SLC26A9: variants seen among roughly 807,000 people sequenced by gnomAD.
SLC26A9 encodes solute carrier family 26 member 9.
Under a neutral mutation model 87.1 loss-of-function variants are expected in SLC26A9, and 46 were observed. The observed-to-expected ratio is 0.53, with a 90% confidence interval of 0.42 to 0.67. The LOEUF is 0.67. SLC26A9 is among the 30% of genes least tolerant of loss of function. The pLI is 0.00. For missense variants in SLC26A9, 927 were observed against 1,018.3 expected (o/e 0.91, Z 1.22); for synonymous variants, 437 against 409.1 (o/e 1.07, Z -0.82).
intron 14 of SLC26A9, 29 bp downstream of exon 14, chr1:205,923,514 AG>A: frequency 1.9e-6 from 3 of 1,614,064 alleles, no homozygotes; most frequent in African/African-American, 2.7e-5. Context: ...GCAGAGCAAA[AG>A]AAGGAGGTCA....
At chr1:205,927,385 G>T (rs745583951) in intron 10 of SLC26A9, 97 bp from the exon 11 acceptor site, 13 of 1,553,386 alleles carry the variant, frequency 8.4e-6, no homozygotes, top group South Asian at 1.1e-5. Context: ...AGACTAAGAC[G>T]GGAAGAAGGG....
chr1:205,928,740 G>GAGTT, intron 8 of SLC26A9, 87 bp downstream of exon 8: 1 of 1,255,838 alleles, frequency 8.0e-7, no homozygotes, highest in South Asian at 1.2e-5. Context: ...CACTTTCATA[G>GAGTT]AGTTCATCTT....
Position 205,933,126 on chromosome 1 carries a change from C to T in SLC26A9, c.126-42G>A, listed in dbSNP as rs1170755628. 2.5e-6 allele frequency: 4 copies of T among 1,612,654 alleles called. 1 individual carries two copies. The Admixed American group carries it at 6.7e-5, about 27-fold the overall frequency. ...AAAATTTCCAGTCGGCTCTGCATGG[C>T]TTGGACATTCCGTGTTGGAGAGGGA... On this transcript the variant is annotated intron_variant, in intron 2 of 20. Transcript: ENST00000367135.
chr1:205,927,593 G>T lies in SLC26A9; in HGVS notation c.1114C>A (p.Leu372Ile). 6.2e-7 allele frequency: 1 copy of T among 1,613,824 alleles called. No individual in the cohort carries two copies. The highest frequency in any genetic ancestry group is 1.1e-5 in the South Asian group (1 of 90,990). The change falls in exon 10 of 21, where the codon CTC becomes ATC. Residue 372 changes from leucine (L) to isoleucine (I), a missense_variant. Physicochemically the swap from Leu to Ile is conservative, Grantham distance 5. Coordinates refer to ENST00000367135, the MANE Select transcript of SLC26A9 (RefSeq NM_052934.4). The stretch of plus-strand genomic sequence containing the variant: ...GAGCCAAAGAAGTTGCTGCAGCCGA[G>T]AGCGATCATCTCCTGCAGGGAGGGG... ...DVDSNQEMIA[L>I]GCSNFFGSFF...
chr1:205,930,264 G>A (rs994701996), intron 5 of SLC26A9: 1 of 422,636 alleles, frequency 2.4e-6, no homozygotes, highest in Non-Finnish European at 4.1e-6. Context: ...TAGAGCATGG[G>A]CCTTTCTGTC....
intron 1 of SLC26A9, among the ~76,000 whole-genome samples, chr1:205,936,845 C>T (rs531933055): frequency 1.3e-5 from 2 of 152,248 alleles, no homozygotes; most frequent in South Asian, 4.2e-4. Flanking sequence ...CCCCCAACTT[C>T]CCAGAGGAGA....
At chr1:205,934,950 C>T (rs1231024283) in intron 2 of SLC26A9, among the ~76,000 whole-genome samples, 2 of 152,338 alleles carry the variant, frequency 1.3e-5, no homozygotes, top group Admixed American at 1.3e-4. Context: ...TGACCTCAAT[C>T]CAGGTAACTG....
At chr1:205,924,531 CA>C (rs1277751455) in intron 12 of SLC26A9, 42 bp from the exon 13 acceptor site, 1 of 1,582,912 alleles carries the variant, frequency 6.3e-7, no homozygotes, top group African/African-American at 1.3e-5. Flanking sequence ...GGGGAAAAAA[CA>C]ACCTCTTTCA....
At chr1:205,919,534 G>C (rs1019292296) in intron 18 of SLC26A9, among the ~76,000 whole-genome samples, 1 of 152,180 alleles carries the variant, frequency 6.6e-6, no homozygotes, top group African/African-American at 2.4e-5. Flanking sequence ...CCCTGCTGGA[G>C]GGGGTCTGAC....
chr1:205,928,777 G>T, intron 8 of SLC26A9, 50 bp downstream of exon 8: 2 of 1,565,092 alleles, frequency 1.3e-6, no homozygotes, highest in Non-Finnish European at 1.8e-6. Context: ...TCAGGCCTTA[G>T]TGGGGCATGA....
chr1:205,937,421 A>T (rs1188977846), intron 1 of SLC26A9, among the ~76,000 whole-genome samples: 2 of 152,194 alleles, frequency 1.3e-5, no homozygotes, highest in Non-Finnish European at 2.9e-5. Flanking sequence ...AGTGGGAGAA[A>T]TGAGAGACCG....
chr1:205,934,992 A>G (rs1659450673), intron 2 of SLC26A9: 1 of 152,098 alleles, frequency 6.6e-6, no homozygotes, highest in Non-Finnish European at 1.5e-5. Context: ...AGTGAGGGAG[A>G]GTGAGTTGGC....
chr1:205,924,207 A>G (rs546708161), intron 13 of SLC26A9, among the ~76,000 whole-genome samples, 176 bp downstream of exon 13: 211 of 152,286 alleles, frequency 1.4e-3, no homozygotes, highest in African/African-American at 5.0e-3. Flanking sequence ...CAAACAGCCC[A>G]GACTGTGCCC....
At chr1:205,936,401 G>T (rs571495563) in intron 1 of SLC26A9, among the ~76,000 whole-genome samples, 2 of 152,192 alleles carry the variant, frequency 1.3e-5, no homozygotes, top group Admixed American at 6.5e-5. Context: ...GGGGGACAAT[G>T]GTGTGTGTGG....
intron 17 of SLC26A9, among the ~76,000 whole-genome samples, chr1:205,921,248 C>G (rs892573481): frequency 7.9e-5 from 12 of 152,172 alleles, no homozygotes; most frequent in African/African-American, 2.9e-4. Flanking sequence ...ACCGGACCCT[C>G]CTCAGAGAAC....
intron 1 of SLC26A9, among the ~76,000 whole-genome samples, chr1:205,939,210 C>T (rs1244595012): frequency 6.6e-6 from 1 of 152,184 alleles, no homozygotes; most frequent in Non-Finnish European, 1.5e-5. Flanking sequence ...GTCCAATTGT[C>T]TCATTTTGCA....
intron 20 of SLC26A9, among the ~76,000 whole-genome samples, chr1:205,915,891 G>A (rs1658573878): frequency 6.6e-6 from 1 of 152,140 alleles, no homozygotes; most frequent in Non-Finnish European, 1.5e-5. Flanking sequence ...CATCAGCACT[G>A]TGAGAGACGG....
intron 2 of SLC26A9, among the ~76,000 whole-genome samples, chr1:205,934,181 G>A (rs933836222): frequency 6.6e-6 from 1 of 152,124 alleles, no homozygotes; most frequent in Non-Finnish European, 1.5e-5. Context: ...TGGAAAGTCT[G>A]GGCAGATTTT....
At position 205,921,726 on chromosome 1, in the gene SLC26A9, G is replaced by A. The variant is rs1658841724; in HGVS notation, c.1895C>T (p.Ser632Phe). ...TGGTGGCTCACTCTGGGCAGGTGAGGAGCTGTCAGGGCTGAAGGTGATATA... is the reference window on the plus strand; with the variant it reads ...TGGTGGCTCACTCTGGGCAGGTGAGAAGCTGTCAGGGCTGAAGGTGATATA... ...VSYITFSPDS[S>F]SPAQSEPPAS... Residue 632 changes from serine to phenylalanine, a missense_variant, in exon 17 of 21, where the codon TCC becomes TTC. Transcript: ENST00000367135. 3 of 1,591,164 alleles carry A rather than the reference G, an allele frequency of 1.9e-6. No individual in the cohort carries two copies. The African/African-American group carries it at 4.0e-5, about 21-fold the overall frequency.
Sources: gnomAD v4.1 joint callset for allele counts (sites outside exome capture counted in the v4.1 genomes callset) on GRCh38, gnomAD v4.1.1 for gene constraint, MANE v1.5 for transcripts, NCBI Gene and HGNC (gene_info 2026-07-23, HGNC 2026-07-21) for gene names.